STK26: variants seen among roughly 807,000 people sequenced by gnomAD.
STK26 encodes the protein serine/threonine kinase 26.
STK26 carries 14 observed loss-of-function variants against 34.7 expected under a neutral mutation model. The ratio of observed to expected loss-of-function variants is 0.40; its 90% CI spans 0.27 to 0.63. STK26 has a LOEUF of 0.63. Ranked by LOEUF, STK26 falls within the 30% of genes least tolerant of loss-of-function variation. The probability of loss-of-function intolerance (pLI) is 0.38; values close to 1 mark genes in which losing one functional copy is unlikely to be tolerated. For synonymous variants in STK26, 100 were observed against 109.8 expected, an observed-to-expected ratio of 0.91 and a Z score of 0.56; for missense variants, 226 against 309.1, an observed-to-expected ratio of 0.73 and a Z score of 2.02.
rs192999316 is a variant in STK26, at chrX:132,037,887, T to G, written c.42+14228T>G. Among the ~76,000 whole-genome samples the G allele has an allele frequency of 2.1e-3, 225 of 106,664 alleles. 2 individuals carry two copies. Among genetic ancestry groups the G allele is most frequent in the African/African-American group, 7.5e-3 (217 of 29,072 alleles). 92.6% of individuals were successfully genotyped at this position (106,664 alleles called of 115,157 possible). On this transcript the variant is annotated intron_variant, in intron 2 of 11. Transcript: ENST00000394334. ...TCAAAGGGCACACAAAATGAAAACG[T>G]GGGATTCAACTAGTTAAATAATGAA... is the stretch of plus-strand genomic sequence containing the variant.
intron 3 of STK26, among the ~76,000 whole-genome samples, chrX:132,056,722 C>T (rs772191850): frequency 6.2e-4 from 70 of 112,282 alleles, no homozygotes; most frequent in African/African-American, 2.1e-3. Context: ...GTAATACCAA[C>T]GTCCTAGGTA....
chrX:132,052,884 T>C (rs1183318735), intron 2 of STK26, among the ~76,000 whole-genome samples: 4 of 111,842 alleles, frequency 3.6e-5, no homozygotes, highest in Non-Finnish European at 7.5e-5. Context: ...CTAAAGGAAG[T>C]TATAAGGAGG....
intron 2 of STK26, among the ~76,000 whole-genome samples, chrX:132,051,700 A>G (rs1926695663): frequency 9.0e-6 from 1 of 110,621 alleles, no homozygotes; most frequent in South Asian, 3.8e-4. Flanking sequence ...TGCACCCATC[A>G]ACTCATCATT....
At chrX:132,065,269 A>T (rs957171845) in intron 4 of STK26, among the ~76,000 whole-genome samples, 7 of 111,856 alleles carry the variant, frequency 6.3e-5, no homozygotes, top group African/African-American at 2.3e-4. Context: ...GAGTCATATT[A>T]TTCAATAGTT....
intron 2 of STK26, among the ~76,000 whole-genome samples, chrX:132,030,618 T>C (rs1925796298): frequency 9.0e-6 from 1 of 111,018 alleles, no homozygotes; most frequent in Non-Finnish European, 1.9e-5. Context: ...GACAGCTTGA[T>C]AGCAGTTTTT....
intron 2 of STK26, among the ~76,000 whole-genome samples, chrX:132,043,584 C>G (rs1397430377): frequency 9.0e-6 from 1 of 111,384 alleles, no homozygotes; most frequent in Non-Finnish European, 1.9e-5. Context: ...CATTAATGCT[C>G]CTGGTTAAAC....
chrX:132,058,704 G>A (rs1044074754), intron 3 of STK26, among the ~76,000 whole-genome samples: 18 of 111,463 alleles, frequency 1.6e-4, no homozygotes, highest in African/African-American at 5.9e-4. Context: ...ACTCAGACCA[G>A]CCAGTGCTAC....
At chrX:132,055,110 G>A (rs1473925725) in intron 3 of STK26, among the ~76,000 whole-genome samples, 2 of 112,033 alleles carry the variant, frequency 1.8e-5, no homozygotes, top group Non-Finnish European at 3.8e-5. Context: ...GAGCAGAAAT[G>A]CAGCTGGTCC....
At chrX:132,029,586 C>T (rs1183755492) in intron 2 of STK26, among the ~76,000 whole-genome samples, 1 of 110,647 alleles carries the variant, frequency 9.0e-6, no homozygotes, top group African/African-American at 3.3e-5. Flanking sequence ...AAGCCCTCTG[C>T]TCAGCTTTCC....
At chrX:132,045,705 C>T (rs1205082918) in intron 2 of STK26, among the ~76,000 whole-genome samples, 1 of 111,992 alleles carries the variant, frequency 8.9e-6, no homozygotes, top group Non-Finnish European at 1.9e-5. Flanking sequence ...ATAGCCTTGA[C>T]TTTCGGTTTA....
rs772717176 is a variant in STK26, at chrX:132,071,255, A to G, written c.932+38A>G. On this transcript the variant is annotated intron_variant, in intron 8 of 11. Transcript: ENST00000394334. ...TATTTAATTTTTATGTAGGCAGCCT[A>G]TTTAAATATTGTATATCTTTTAGCT... 5.1e-6 allele frequency: 6 copies of G among 1,171,315 alleles called. No individual in the cohort carries two copies. The South Asian group carries it at 9.3e-5, about 18-fold the overall frequency.
At chrX:132,071,689 A>G (rs1224203831) in intron 8 of STK26, among the ~76,000 whole-genome samples, 5 of 111,919 alleles carry the variant, frequency 4.5e-5, no homozygotes, top group African/African-American at 1.6e-4. Context: ...AAAAAGTTGT[A>G]GGGTTTTATA....
At chrX:132,045,891 C>A (rs1055808440) in intron 2 of STK26, among the ~76,000 whole-genome samples, 1 of 112,077 alleles carries the variant, frequency 8.9e-6, no homozygotes, top group African/African-American at 3.2e-5. Flanking sequence ...CCTGGTTGAA[C>A]AAAATAATCT....
intron 2 of STK26, among the ~76,000 whole-genome samples, chrX:132,050,190 C>T (rs902121139): frequency 1.8e-5 from 2 of 111,348 alleles, no homozygotes; most frequent in Non-Finnish European, 3.8e-5. Context: ...TAATGCCCCC[C>T]TCCACAAGTT....
Position 132,072,942 on chromosome X carries a change from A to G in STK26, c.1090-15A>G. 1 of 1,207,959 alleles carries G rather than the reference A, an allele frequency of 8.3e-7. No individual in the cohort carries two copies. Among genetic ancestry groups the G allele is most frequent in the Non-Finnish European group, 1.1e-6 (1 of 893,444 alleles). On this transcript the variant is annotated splice_polypyrimidine_tract_variant and intron_variant, in intron 10 of 11. Coordinates refer to ENST00000394334, the MANE Select transcript of STK26 (RefSeq NM_016542.4). ...GTATAATATTTTAAATGTTTTAACT[A>G]TTATTCTTTCTCAGCTTAAACAGCA...
chrX:132,025,625 C>T (rs1935082915), intron 2 of STK26, among the ~76,000 whole-genome samples: 1 of 105,028 alleles, frequency 9.5e-6, no homozygotes, highest in Non-Finnish European at 1.9e-5. Flanking sequence ...AACATCTCAA[C>T]GTTAGCAAAG....
At chrX:132,074,028 A>G (rs191761697) in intron 11 of STK26, 107 bp from the exon 12 acceptor site, 14 of 640,691 alleles carry the variant, frequency 2.2e-5, no homozygotes, top group South Asian at 4.4e-5. Context: ...AATAGAAACA[A>G]TGTATCCCTT....
chrX:132,065,531 T>C (rs1418236364), intron 4 of STK26, among the ~76,000 whole-genome samples: 1 of 112,042 alleles, frequency 8.9e-6, no homozygotes, highest in Non-Finnish European at 1.9e-5. Flanking sequence ...CCCCTATTAG[T>C]AGTTTGGTCA....
chrX:132,068,789 C>G lies in STK26; in HGVS notation c.597+220C>G, dbSNP rs1252885838. 2.7e-5 allele frequency among the ~76,000 whole-genome samples: 3 copies of G among 111,027 alleles called. No homozygotes were observed. The Admixed American group carries it at 2.9e-4, about 11-fold the overall frequency. On this transcript the variant is annotated intron_variant, in intron 6 of 11. Coordinates refer to ENST00000394334, the MANE Select transcript of STK26 (RefSeq NM_016542.4). Reference sequence around the variant, plus strand: ...TTTTCATCCCACGTGGAATAAAATCCTAAGTCCTTTCTGTGACATATAAAG... The same window carrying G: ...TTTTCATCCCACGTGGAATAAAATCGTAAGTCCTTTCTGTGACATATAAAG...
Sources: gnomAD v4.1 joint callset for allele counts (sites outside exome capture counted in the v4.1 genomes callset) on GRCh38, gnomAD v4.1.1 for gene constraint, MANE v1.5 for transcripts, NCBI Gene and HGNC (gene_info 2026-07-23, HGNC 2026-07-21) for gene names.